LINGO2: variants seen among roughly 807,000 people sequenced by gnomAD.
LINGO2 encodes leucine-rich repeat and immunoglobulin-like domain-containing nogo receptor-interacting protein 2.
A neutral mutation model predicts 30.6 loss-of-function variants in LINGO2; 14 were observed. The ratio of observed to expected loss-of-function variants is 0.46; its 90% confidence interval spans 0.30 to 0.72. LINGO2 has a LOEUF of 0.72. Among genes scored for constraint, LINGO2 ranks in the 30% least tolerant of loss-of-function variants. LINGO2 has a pLI of 0.07. For missense variants in LINGO2, 729 were observed against 751.7 expected (o/e 0.97, Z 0.35); for synonymous variants, 317 against 288.5 (o/e 1.10, Z -1.00).
chr9:28,422,264 A>G (rs763561484), intron 2 of LINGO2, among the ~76,000 whole-genome samples: 3 of 152,140 alleles, frequency 2.0e-5, no homozygotes, highest in African/African-American at 4.8e-5. Flanking sequence ...CAAATCATAT[A>G]TCTAAAAAGA....
In LINGO2 at chr9:28,622,728, A is replaced by ATT. The variant is rs36004975; in HGVS notation, c.-365+47470_-365+47471dup. Among the ~76,000 whole-genome samples the ATT allele has an allele frequency of 4.1e-5, 6 of 144,670 alleles. 1 individual carries two copies. The highest frequency in any genetic ancestry group is 1.5e-4 in the African/African-American group (6 of 39,988). The allele number at this position is 144,670 out of a possible 152,430, so 94.9% of individuals were successfully genotyped here. ...GATTGCTGGATCATATGGCAGCTCTATTTTTTTTTTTTTTTAGTTTTTTGA... is the reference window on the plus strand; with the variant it reads ...GATTGCTGGATCATATGGCAGCTCTATTTTTTTTTTTTTTTTTAGTTTTTTGA... On this transcript the variant is annotated intron_variant, in intron 1 of 5. Coordinates refer to ENST00000379992, the Ensembl canonical transcript of LINGO2.
At chr9:28,937,402 C>T in the LINGO2 span, among the ~76,000 whole-genome samples, 1 of 152,138 alleles carries the variant, frequency 6.6e-6, no homozygotes, top group Admixed American at 6.5e-5. Flanking sequence ...ATAGGAAAGA[C>T]ATTATTGTTC....
At chr9:28,560,480 G>C (rs2135547294) in intron 1 of LINGO2, among the ~76,000 whole-genome samples, 1 of 152,050 alleles carries the variant, frequency 6.6e-6, no homozygotes, top group East Asian at 1.9e-4. Context: ...AAACATGTCA[G>C]CCTCTATAAC....
At chr9:29,056,988 G>A in the LINGO2 span, among the ~76,000 whole-genome samples, 1 of 152,022 alleles carries the variant, frequency 6.6e-6, no homozygotes, top group African/African-American at 2.4e-5. Flanking sequence ...TTGGTGACTA[G>A]AGCCGTATAG....
At chr9:28,243,457 C>CAA (rs201759263) in intron 4 of LINGO2, among the ~76,000 whole-genome samples, 17,126 of 97,696 alleles carry the variant, frequency 0.18, 1,374 homozygotes, top group African/African-American at 0.31. Context: ...AAGACTCTCT[C>CAA]AAAAAATAAA....
the LINGO2 span, among the ~76,000 whole-genome samples, chr9:29,035,769 A>G: frequency 6.6e-6 from 1 of 151,980 alleles, no homozygotes; most frequent in Non-Finnish European, 1.5e-5. Flanking sequence ...GTATTGAGCT[A>G]TCGTAAAATA....
At chr9:28,521,422 G>T (rs1473026878) in intron 1 of LINGO2, among the ~76,000 whole-genome samples, 1 of 152,148 alleles carries the variant, frequency 6.6e-6, no homozygotes, top group Non-Finnish European at 1.5e-5. Flanking sequence ...AGATTCATGA[G>T]GCCCTATGGA....
chr9:28,950,166 C>T, the LINGO2 span, among the ~76,000 whole-genome samples: 6 of 152,268 alleles, frequency 3.9e-5, no homozygotes, highest in African/African-American at 1.4e-4. Flanking sequence ...TCAGTAGATG[C>T]AGAACAAGCT....
At chr9:28,901,259 C>A in the LINGO2 span, among the ~76,000 whole-genome samples, 1 of 151,994 alleles carries the variant, frequency 6.6e-6, no homozygotes, top group African/African-American at 2.4e-5. Flanking sequence ...CTTTCCCAGA[C>A]AAATAAAAAG....
At chr9:28,625,252 G>A (rs113344107) in intron 1 of LINGO2, among the ~76,000 whole-genome samples, 29 of 152,172 alleles carry the variant, frequency 1.9e-4, no homozygotes, top group Admixed American at 4.6e-4. Flanking sequence ...TACTTTCTGC[G>A]TGACAGGATA....
At chr9:29,193,903 A>T in the LINGO2 span, among the ~76,000 whole-genome samples, 2 of 152,148 alleles carry the variant, frequency 1.3e-5, no homozygotes, top group Non-Finnish European at 2.9e-5. Flanking sequence ...GGGCAATTCT[A>T]CTGCAGGCTT....
chr9:28,607,325 T>C (rs1156317504), intron 1 of LINGO2, among the ~76,000 whole-genome samples: 1 of 152,040 alleles, frequency 6.6e-6, no homozygotes, highest in African/African-American at 2.4e-5. Flanking sequence ...GTTTTGACAG[T>C]GGCATTCTCA....
At chr9:28,611,715 A>G (rs2135787113) in intron 1 of LINGO2, among the ~76,000 whole-genome samples, 1 of 151,844 alleles carries the variant, frequency 6.6e-6, no homozygotes, top group African/African-American at 2.4e-5. Context: ...ATACAACAGG[A>G]TTTCTTTCTT....
intron 4 of LINGO2, among the ~76,000 whole-genome samples, chr9:28,188,441 C>A (rs1279389666): frequency 6.6e-6 from 1 of 152,048 alleles, no homozygotes; most frequent in African/African-American, 2.4e-5. Context: ...AAAGTTGAAC[C>A]ACCTGCACGG....
Position 28,161,194 on chromosome 9 carries a change from G to A in LINGO2, c.-87+134014C>T, listed in dbSNP as rs1438105384. On this transcript the variant is annotated intron_variant, in intron 4 of 5. Coordinates refer to ENST00000379992, the Ensembl canonical transcript of LINGO2. ...TAAATTAACTTTGCTATTAATTGTTGATACCGGTGGTCAGTAAGATTTCTC... is the reference window on the plus strand; with the variant it reads ...TAAATTAACTTTGCTATTAATTGTTAATACCGGTGGTCAGTAAGATTTCTC... Among the ~76,000 whole-genome samples the A allele has an allele frequency of 5.9e-5, 9 of 152,238 alleles. No homozygotes were observed. The East Asian group carries it at 1.7e-3, about 29-fold the overall frequency.
the LINGO2 span, among the ~76,000 whole-genome samples, chr9:28,778,706 C>G: frequency 6.6e-6 from 1 of 152,100 alleles, no homozygotes; most frequent in Non-Finnish European, 1.5e-5. Flanking sequence ...AATTTTTCAA[C>G]TTGCTCTGCA....
At position 28,535,728 on chromosome 9, in the gene LINGO2, A is replaced by G. The variant is rs763095549; in HGVS notation, c.-364-59703T>C. On this transcript the variant is annotated intron_variant, in intron 1 of 5. Coordinates refer to ENST00000379992, the Ensembl canonical transcript of LINGO2. Reference sequence around the variant, plus strand: ...CACACACACACACACGTGTGGACGCACACACACACACACACACGGAGCTAA... The same window carrying G: ...CACACACACACACACGTGTGGACGCGCACACACACACACACACGGAGCTAA... 2.1e-3 allele frequency among the ~76,000 whole-genome samples: 216 copies of G among 105,206 alleles called. 1 individual carries two copies. The highest frequency in any genetic ancestry group is 0.012 in the Admixed American group (92 of 7,632). The allele number at this position is 105,206 out of a possible 152,430, so 69.0% of individuals were successfully genotyped here.
Position 28,221,095 on chromosome 9 carries a change from C to T in LINGO2, c.-87+74113G>A, listed in dbSNP as rs1441792626. ...CGGGTGGATCACGAGGTCAGGAGAT[C>T]GAAACCATCCTCGCTAACACGGTGA... On this transcript the variant is annotated intron_variant, in intron 4 of 5. Coordinates refer to ENST00000379992, the Ensembl canonical transcript of LINGO2. Among the ~76,000 whole-genome samples, 2 of 151,788 alleles carry T rather than the reference C, an allele frequency of 1.3e-5. 1 individual carries two copies. Among genetic ancestry groups the T allele is most frequent in the Admixed American group, 1.3e-4 (2 of 15,242 alleles).
At chr9:28,895,917 T>C in the LINGO2 span, among the ~76,000 whole-genome samples, 10 of 152,134 alleles carry the variant, frequency 6.6e-5, no homozygotes, top group Non-Finnish European at 1.2e-4. Context: ...GGTAGCTAAG[T>C]ATACATATCC....
Sources: gnomAD v4.1 joint callset for allele counts (sites outside exome capture counted in the v4.1 genomes callset) on GRCh38, gnomAD v4.1.1 for gene constraint, MANE v1.5 for transcripts, NCBI Gene and HGNC (gene_info 2026-07-23, HGNC 2026-07-21) for gene names.